The following EPS15L1 variants were observed in gnomAD, a reference collection of about 807,000 sequenced individuals.
EPS15L1 encodes epidermal growth factor receptor pathway substrate 15 like 1, also known as epidermal growth factor receptor substrate 15-like 1.
Under a neutral mutation model 117.1 loss-of-function variants are expected in EPS15L1, and 43 were observed. The ratio of observed to expected loss-of-function variants is 0.37; its 90% CI spans 0.29 to 0.47. The LOEUF is 0.47. EPS15L1 is among the 20% of genes least tolerant of loss of function. The pLI, the probability that EPS15L1 is intolerant of heterozygous loss-of-function variation, is 0.99. For synonymous variants in EPS15L1, 459 were observed against 470.5 expected (o/e 0.98, Z 0.32); for missense variants, 981 against 1,164.0 (o/e 0.84, Z 2.29).
chr19:16,400,538 T>C, intron 16 of EPS15L1: 11 of 659,576 alleles, frequency 1.7e-5, no homozygotes, highest in Non-Finnish European at 2.1e-5. Context: ...CTAAGACACC[T>C]CTCTCTCGGC....
chr19:16,453,216 T>C (rs1416548510), intron 1 of EPS15L1, among the ~76,000 whole-genome samples: 2 of 152,050 alleles, frequency 1.3e-5, no homozygotes, highest in African/African-American at 4.8e-5. Context: ...CCTCCTTCCT[T>C]AGCCTTCCAA....
At chr19:16,427,043 A>G (rs1247963679) in intron 8 of EPS15L1, among the ~76,000 whole-genome samples, 1 of 152,180 alleles carries the variant, frequency 6.6e-6, no homozygotes, top group Non-Finnish European at 1.5e-5. Context: ...AATGGTTCAC[A>G]GGAAAACTTC....
At chr19:16,437,686 T>C (rs2092991469) in intron 5 of EPS15L1, 84 bp downstream of exon 5, 2 of 901,116 alleles carry the variant, frequency 2.2e-6, no homozygotes, top group African/African-American at 1.6e-5. Flanking sequence ...CATGGAAATA[T>C]ACATGCACAT....
intron 8 of EPS15L1, among the ~76,000 whole-genome samples, chr19:16,426,356 C>T (rs1410807882): frequency 6.6e-6 from 1 of 152,192 alleles, no homozygotes; most frequent in Non-Finnish European, 1.5e-5. Flanking sequence ...ACGTTGAAAC[C>T]AGGCATGGTG....
At chr19:16,459,367 G>T (rs537373599) in intron 1 of EPS15L1, among the ~76,000 whole-genome samples, 1 of 152,172 alleles carries the variant, frequency 6.6e-6, no homozygotes, top group Non-Finnish European at 1.5e-5. Flanking sequence ...TGTAATGACC[G>T]GCCCCTCTCA....
At chr19:16,392,254 C>T in intron 19 of EPS15L1, 50 bp downstream of exon 19, 1 of 1,609,800 alleles carries the variant, frequency 6.2e-7, no homozygotes, top group African/African-American at 1.3e-5. Context: ...CCACCCTTAC[C>T]ACACAGAGCA....
At chr19:16,469,643 A>C (rs1411264060) in intron 1 of EPS15L1, among the ~76,000 whole-genome samples, 4 of 152,156 alleles carry the variant, frequency 2.6e-5, no homozygotes, top group African/African-American at 9.7e-5. Context: ...TGGAGTACAG[A>C]ACAGACTGAA....
At chr19:16,417,396 G>A (rs2092768321) in intron 12 of EPS15L1, 156 bp downstream of exon 12, 6 of 651,976 alleles carry the variant, frequency 9.2e-6, no homozygotes, top group East Asian at 2.8e-5. Context: ...CAAGCCCCTT[G>A]AGCCAGTTTA....
At chr19:16,369,036 G>T (rs1393162729) in intron 22 of EPS15L1, among the ~76,000 whole-genome samples, 1 of 152,188 alleles carries the variant, frequency 6.6e-6, no homozygotes, top group East Asian at 1.9e-4. Context: ...AACAGTATAG[G>T]TTCTAAAATT....
rs370883650 is a variant in EPS15L1 at position 16,435,603 on chromosome 19, C to T, written c.373-1113G>A. On this transcript the variant is annotated intron_variant, in intron 6 of 23. Transcript: ENST00000455140. ...CAGAGATGAGATCACCGGCAGACACCGCATGCTTTCACAGCTGTTGGTGCT... is the reference window on the plus strand; with the variant it reads ...CAGAGATGAGATCACCGGCAGACACTGCATGCTTTCACAGCTGTTGGTGCT... 7.9e-5 allele frequency among the ~76,000 whole-genome samples: 12 copies of T among 152,100 alleles called. No individual in the cohort carries two copies. The East Asian group carries it at 1.7e-3, about 22-fold the overall frequency.
At position 16,389,173 on chromosome 19, in the gene EPS15L1, G is replaced by C. The variant is rs1031660248; in HGVS notation, c.2104-2942C>G. Among the ~76,000 whole-genome samples, 7 of 151,798 alleles carry C rather than the reference G, an allele frequency of 4.6e-5. 1 individual carries two copies. The highest frequency in any genetic ancestry group is 1.7e-4 in the African/African-American group (7 of 41,314). On this transcript the variant is annotated intron_variant, in intron 19 of 23. Coordinates refer to ENST00000455140, the MANE Select transcript of EPS15L1 (RefSeq NM_001258374.3). ...AAAAAAAGAAAAGAAAAGAATAATA[G>C]CTGGGTGAAGTGACTCAAGCCTGTG...
chr19:16,417,949 G>C lies in EPS15L1; in HGVS notation c.1106C>G (p.Pro369Arg), dbSNP rs140677972. The C allele has an allele frequency of 5.0e-6, 8 of 1,612,356 alleles. 1 individual carries two copies. In the Admixed American group the frequency reaches 6.7e-5, roughly 13 times the overall value. Residue 369 changes from proline to arginine, a missense_variant and splice_region_variant, in exon 11 of 24, where the codon CCG (proline) becomes CGG (arginine). Physicochemically the swap from Pro to Arg is moderately radical, Grantham distance 103 (BLOSUM62 -2). Around this residue, in one of 5 missense-constraint regions of EPS15L1, gnomAD observed 819 missense variants for 949.0 expected, o/e 0.86. Coordinates refer to ENST00000455140, the MANE Select transcript of EPS15L1 (RefSeq NM_001258374.3). ...CAGGGCATGACCAGCACCACTCACC[G>C]GGCCGGGCGTGCCTCTCTCCGAAGG... is the stretch of plus-strand genomic sequence containing the variant. ...VPPSERGTPGPDSSGSLGSGE... is the reference protein window; with the variant it reads ...VPPSERGTPGRDSSGSLGSGE...
At chr19:16,399,656 A>T (rs1328793938) in intron 16 of EPS15L1, among the ~76,000 whole-genome samples, 1 of 151,022 alleles carries the variant, frequency 6.6e-6, no homozygotes, top group Non-Finnish European at 1.5e-5. Flanking sequence ...ACTAGCTCAC[A>T]AGTTCCTGTT....
intron 9 of EPS15L1, among the ~76,000 whole-genome samples, chr19:16,424,500 A>C (rs958861728): frequency 6.6e-5 from 10 of 151,890 alleles, no homozygotes; most frequent in African/African-American, 7.2e-5. Flanking sequence ...CTGACTTTCA[A>C]AACTCTTGGC....
intron 1 of EPS15L1, among the ~76,000 whole-genome samples, chr19:16,448,310 C>T (rs2093104559): frequency 6.6e-6 from 1 of 151,804 alleles, no homozygotes; most frequent in Non-Finnish European, 1.5e-5. Flanking sequence ...GCAGGAGGAT[C>T]ACCAGAGTTT....
intron 1 of EPS15L1, among the ~76,000 whole-genome samples, chr19:16,443,781 A>C (rs981240247): frequency 6.6e-6 from 1 of 151,904 alleles, no homozygotes; most frequent in African/African-American, 2.4e-5. Context: ...AACACCTGTG[A>C]ATGTATAAAG....
intron 23 of EPS15L1, among the ~76,000 whole-genome samples, chr19:16,361,018 T>C (rs1353698237): frequency 6.6e-6 from 1 of 152,138 alleles, no homozygotes; most frequent in Non-Finnish European, 1.5e-5. Flanking sequence ...AGAACAAGAT[T>C]TTCATGTATC....
chr19:16,423,892 G>A (rs1312069197), intron 9 of EPS15L1, among the ~76,000 whole-genome samples: 2 of 152,220 alleles, frequency 1.3e-5, no homozygotes, highest in Non-Finnish European at 2.9e-5. Context: ...AATTACGTAT[G>A]AAATTATAGC....
chr19:16,415,847 G>T (rs1568432033), intron 12 of EPS15L1, among the ~76,000 whole-genome samples: 1 of 152,234 alleles, frequency 6.6e-6, no homozygotes, highest in East Asian at 1.9e-4. Context: ...TCCTTGGCCT[G>T]CCCGGTCCTG....
Sources: gnomAD v4.1 joint callset for allele counts (sites outside exome capture counted in the v4.1 genomes callset) on GRCh38, gnomAD v4.1.1 for gene constraint, gnomAD v4.1.1 regional missense constraint, MANE v1.5 for transcripts, NCBI Gene and HGNC (gene_info 2026-07-23, HGNC 2026-07-21) for gene names.